The following ZFP82 variants were observed in gnomAD, a reference collection of about 807,000 sequenced individuals.
ZFP82 encodes zinc finger protein 82 homolog.
ZFP82 carries 30 observed loss-of-function variants against 54.0 expected under a neutral mutation model. That is an observed-to-expected ratio of 0.56 (90% CI 0.42 to 0.75). ZFP82 has a LOEUF of 0.75. Among genes scored for constraint, ZFP82 ranks in the 30% least tolerant of loss-of-function variants. The pLI is 0.00. For synonymous variants in ZFP82, 194 were observed against 209.5 expected, an observed-to-expected ratio of 0.93 and a Z score of 0.64; for missense variants, 500 against 636.8, an observed-to-expected ratio of 0.79 and a Z score of 2.31.
chr19:36,405,958 T>A (rs535221155), intron 3 of ZFP82, among the ~76,000 whole-genome samples: 17 of 152,290 alleles, frequency 1.1e-4, no homozygotes, highest in Middle Eastern at 3.4e-3. Context: ...CTGAACCACA[T>A]CCTAGTTGTA....
At chr19:36,404,926 G>T (rs1348086022) in intron 4 of ZFP82, among the ~76,000 whole-genome samples, 1 of 152,192 alleles carries the variant, frequency 6.6e-6, no homozygotes, top group African/African-American at 2.4e-5. Context: ...GCTCACATCT[G>T]TAATCTCAGC....
intron 4 of ZFP82, among the ~76,000 whole-genome samples, chr19:36,397,977 C>A (rs2032325029): frequency 6.6e-6 from 1 of 152,086 alleles, no homozygotes; most frequent in South Asian, 2.1e-4. Flanking sequence ...GATCAATTCC[C>A]ATAGAGCAAA....
chr19:36,383,532 G>A (rs1438461877), exon 2 of ZFP82: 1 of 152,036 alleles, frequency 6.6e-6, no homozygotes, highest in Non-Finnish European at 1.5e-5. Context: ...CAGATGCCTG[G>A]TATCACCATG....
downstream of ZFP82, among the ~76,000 whole-genome samples, chr19:36,387,578 G>A (rs554566397): frequency 9.9e-5 from 15 of 152,178 alleles, no homozygotes; most frequent in African/African-American, 3.1e-4. Context: ...TCAGAACTGC[G>A]AGCCAATTTC....
In ZFP82 at chr19:36,392,572, A is replaced by G; in HGVS notation, c.*169T>C. On this transcript the variant is annotated 3_prime_UTR_variant, in exon 5 of 5. Transcript: ENST00000392161. ...TCTTATAACAGGATTAGTTTTTAGAACAAATATGCTGAAGTTTCAGGTTTG... is the reference window on the plus strand; with the variant it reads ...TCTTATAACAGGATTAGTTTTTAGAGCAAATATGCTGAAGTTTCAGGTTTG... The G allele has an allele frequency of 1.7e-6, 1 of 577,370 alleles. No individual in the cohort carries two copies. Among genetic ancestry groups the G allele is most frequent in the Non-Finnish European group, 2.9e-6 (1 of 347,134 alleles). 35.8% of individuals were successfully genotyped at this position (577,370 alleles called of 1,614,324 possible).
intron 1 of ZFP82, among the ~76,000 whole-genome samples, chr19:36,417,036 G>A (rs964004469): frequency 3.2e-5 from 4 of 123,790 alleles, no homozygotes; most frequent in African/African-American, 1.3e-4. Flanking sequence ...TTGTGCCACT[G>A]CACTCCAACC....
chr19:36,400,047 T>C (rs767950810), intron 4 of ZFP82, among the ~76,000 whole-genome samples: 3 of 152,224 alleles, frequency 2.0e-5, no homozygotes, highest in Admixed American at 1.3e-4. Context: ...AATACTTTTA[T>C]GGTATGTACA....
chr19:36,397,339 C>T (rs1477271280), intron 4 of ZFP82, among the ~76,000 whole-genome samples: 3 of 151,982 alleles, frequency 2.0e-5, no homozygotes, highest in Non-Finnish European at 2.9e-5. Context: ...GTGACCCACC[C>T]GCCTCGGCCT....
chr19:36,405,186 G>GAAAAAAAAAAAAAAA (rs35735133), intron 4 of ZFP82, among the ~76,000 whole-genome samples: 2 of 88,512 alleles, frequency 2.3e-5, no homozygotes, highest in East Asian at 3.4e-4. Flanking sequence ...CTGCATCTCA[G>GAAAAAAAAAAAAAAA]AAAAAAAAAA....
At position 36,392,734 on chromosome 19, in the gene ZFP82, G is replaced by A; in HGVS notation, c.*7C>T. On this transcript the variant is annotated 3_prime_UTR_variant, in exon 5 of 5. Transcript: ENST00000392161. ...TGTTCTATAACACAGAAGTTGAAAA[G>A]ACTTTCTTAGATTTTTACATTATGA... 6.5e-7 allele frequency: 1 copy of A among 1,543,096 alleles called. No individual in the cohort carries two copies. The highest frequency in any genetic ancestry group is 8.7e-7 in the Non-Finnish European group (1 of 1,151,764).
At chr19:36,410,540 T>C (rs1406993930) in intron 1 of ZFP82, among the ~76,000 whole-genome samples, 1 of 152,032 alleles carries the variant, frequency 6.6e-6, no homozygotes, top group Non-Finnish European at 1.5e-5. Flanking sequence ...CTTGCTCTTA[T>C]TGCCCAGGTT....
intron 1 of ZFP82, among the ~76,000 whole-genome samples, chr19:36,415,225 G>GA (rs1361551939): frequency 3.9e-5 from 6 of 152,138 alleles, no homozygotes; most frequent in African/African-American, 1.4e-4. Context: ...CAAGTGCACA[G>GA]AAAAAAATGG....
chr19:36,415,270 G>T (rs950936996), intron 1 of ZFP82, among the ~76,000 whole-genome samples: 1 of 152,238 alleles, frequency 6.6e-6, no homozygotes, highest in African/African-American at 2.4e-5. Flanking sequence ...ATTTATTGTG[G>T]ATGGTGAGAC....
At chr19:36,409,062 C>G (rs573649112) in intron 2 of ZFP82, among the ~76,000 whole-genome samples, 27 of 152,188 alleles carry the variant, frequency 1.8e-4, no homozygotes, top group Admixed American at 1.6e-3. Context: ...TCCAGAATCA[C>G]AAAGATGTCA....
At position 36,393,630 on chromosome 19, in the gene ZFP82, C is replaced by T; in HGVS notation, c.710G>A (p.Cys237Tyr). The part of the protein sequence containing the change: ...ECKECGEAFI[C>Y]GADLRVHQKM... ...CTGATGTACTCTAAGATCTGCACCA[C>T]ATATGAAAGCTTCCCCACATTCCTT... The change falls in exon 5 of 5, where the codon TGT becomes TAT. Residue 237 changes from cysteine (C) to tyrosine (Y), a missense_variant. By Grantham distance (194) the Cys-to-Tyr change is radical. Coordinates refer to ENST00000392161, the MANE Select transcript of ZFP82 (RefSeq NM_133466.4). 5 of 1,613,958 alleles carry T rather than the reference C, an allele frequency of 3.1e-6. No homozygotes were observed. Among genetic ancestry groups the T allele is most frequent in the African/African-American group, 1.3e-5 (1 of 74,936 alleles).
intron 4 of ZFP82, among the ~76,000 whole-genome samples, chr19:36,403,426 C>A (rs1338778903): frequency 6.7e-5 from 10 of 149,818 alleles, no homozygotes; most frequent in Admixed American, 6.7e-4. Context: ...CAAGACCAGC[C>A]TGGCCAAGAT....
downstream of ZFP82, among the ~76,000 whole-genome samples, chr19:36,386,897 T>C (rs531672942): frequency 9.7e-4 from 147 of 152,326 alleles, no homozygotes; most frequent in African/African-American, 3.3e-3. Flanking sequence ...ATCACGCCAT[T>C]GCACTCCAGC....
intron 1 of ZFP82, among the ~76,000 whole-genome samples, chr19:36,416,509 C>T (rs757137654): frequency 2.6e-5 from 4 of 152,148 alleles, no homozygotes; most frequent in African/African-American, 9.7e-5. Flanking sequence ...GTAATCCCAG[C>T]ACTTTGGGAG....
At chr19:36,398,361 A>G (rs1313102137) in intron 4 of ZFP82, among the ~76,000 whole-genome samples, 2 of 152,104 alleles carry the variant, frequency 1.3e-5, no homozygotes, top group East Asian at 1.9e-4. Context: ...ATATTGTGAA[A>G]CCCTGTCTCT....
Sources: gnomAD v4.1 joint callset for allele counts (sites outside exome capture counted in the v4.1 genomes callset) on GRCh38, gnomAD v4.1.1 for gene constraint, MANE v1.5 for transcripts, NCBI Gene and HGNC (gene_info 2026-07-23, HGNC 2026-07-21) for gene names.